The following KIF26B variants were observed in gnomAD, a reference collection of about 807,000 sequenced individuals.
KIF26B encodes the protein kinesin family member 26B.
KIF26B carries 63 observed loss-of-function variants against 151.2 expected under a neutral mutation model. The observed-to-expected ratio is 0.42, with a 90% CI of 0.34 to 0.51. KIF26B has a LOEUF of 0.51. Among genes scored for constraint, KIF26B ranks in the 20% least tolerant of loss-of-function variants. The pLI, the probability that KIF26B is intolerant of heterozygous loss-of-function variation, is 0.07. For missense variants in KIF26B, 2,813 were observed against 2,913.6 expected (o/e 0.97, Z 0.79); for synonymous variants, 1,357 against 1,262.1 (o/e 1.08, Z -1.59).
At chr1:245,431,296 A>G (rs1241082786) in intron 4 of KIF26B, among the ~76,000 whole-genome samples, 1 of 151,560 alleles carries the variant, frequency 6.6e-6, no homozygotes, top group African/African-American at 2.4e-5. Flanking sequence ...CTCCTGCCTC[A>G]GCCTCCTGAG....
At chr1:245,212,149 T>A (rs1317794109) in intron 2 of KIF26B, among the ~76,000 whole-genome samples, 2 of 152,208 alleles carry the variant, frequency 1.3e-5, no homozygotes, top group Non-Finnish European at 2.9e-5. Context: ...GGGGCTGGCC[T>A]CCATTTCAGT....
At chr1:245,288,887 G>A (rs1671209737) in intron 2 of KIF26B, among the ~76,000 whole-genome samples, 1 of 151,858 alleles carries the variant, frequency 6.6e-6, no homozygotes, top group Admixed American at 6.6e-5. Flanking sequence ...AAGGAAGGGA[G>A]TTTTTACTGG....
intron 2 of KIF26B, among the ~76,000 whole-genome samples, chr1:245,209,829 G>A (rs1050832375): frequency 2.0e-5 from 3 of 152,224 alleles, no homozygotes; most frequent in African/African-American, 7.2e-5. Flanking sequence ...CTTGTGGGTG[G>A]CCATGCTTTC....
intron 2 of KIF26B, among the ~76,000 whole-genome samples, chr1:245,251,020 C>G (rs574689486): frequency 6.6e-6 from 1 of 152,196 alleles, no homozygotes. Flanking sequence ...TTCCAAGAGT[C>G]TTCTCCAGTC....
intron 10 of KIF26B, among the ~76,000 whole-genome samples, chr1:245,661,107 C>T (rs577958767): frequency 2.4e-4 from 36 of 151,960 alleles, no homozygotes; most frequent in Non-Finnish European, 5.0e-4. Flanking sequence ...CTGCCTCAGC[C>T]CCCCGAGTAG....
At chr1:245,383,554 G>A (rs921620340) in intron 3 of KIF26B, among the ~76,000 whole-genome samples, 1 of 152,120 alleles carries the variant, frequency 6.6e-6, no homozygotes, top group Non-Finnish European at 1.5e-5. Context: ...TAGAATGCAG[G>A]TGCTTCCAGG....
intron 4 of KIF26B, among the ~76,000 whole-genome samples, chr1:245,439,357 A>AAAG (rs1553274574): frequency 2.4e-4 from 30 of 125,002 alleles, no homozygotes; most frequent in Non-Finnish European, 3.2e-4. Context: ...AAAAAAAAAA[A>AAAG]AAAAAAGAAA....
At position 245,266,965 on chromosome 1, in the gene KIF26B, GCCCCCTGT is replaced by G. The variant is rs559868670; in HGVS notation, c.466-99868_466-99861del. Among the ~76,000 whole-genome samples, 497 of 152,264 alleles carry G rather than the reference GCCCCCTGT, an allele frequency of 3.3e-3. 1 individual carries two copies. Among genetic ancestry groups the G allele is most frequent in the African/African-American group, 0.011 (476 of 41,540 alleles). On this transcript the variant is annotated intron_variant, in intron 2 of 14. Transcript: ENST00000407071. The stretch of plus-strand genomic sequence containing the variant: ...TTATTAACATGTGACTGAAGGGCAG[GCCCCCTGT>G]GGGCCTGGTCTTATCCTTATCCTTT...
chr1:245,517,168 T>G (rs1356655486), intron 4 of KIF26B, among the ~76,000 whole-genome samples: 2 of 152,058 alleles, frequency 1.3e-5, no homozygotes, highest in African/African-American at 4.8e-5. Context: ...ACCAGCCTGG[T>G]CAACATGGCG....
In KIF26B at chr1:245,358,157, A is replaced by G. The variant is rs11809071; in HGVS notation, c.466-8677A>G. ...CTCGAACTTCAGATCTGCCCACCTC[A>G]GTTTCCCAAAGTGTGGGGATTACAG... On this transcript the variant is annotated intron_variant, in intron 2 of 14. Coordinates refer to ENST00000407071, the MANE Select transcript of KIF26B (RefSeq NM_018012.4). This position sits in a 1 kb window ranked among gnomAD's most constrained non-coding sequence, Gnocchi z 4.1. Among the ~76,000 whole-genome samples the G allele has an allele frequency of 1.3e-5, 2 of 152,118 alleles. No homozygotes were observed. Among genetic ancestry groups the G allele is most frequent in the Non-Finnish European group, 2.9e-5 (2 of 68,012 alleles).
At chr1:245,696,077 C>T (rs925996213) in intron 12 of KIF26B, among the ~76,000 whole-genome samples, 7 of 152,254 alleles carry the variant, frequency 4.6e-5, no homozygotes, top group Non-Finnish European at 1.0e-4. Context: ...CCAAGATGGC[C>T]CCCATGGTCT....
intron 6 of KIF26B, among the ~76,000 whole-genome samples, chr1:245,603,527 C>T (rs116639022): frequency 0.011 from 1,719 of 152,160 alleles, 11 homozygotes; most frequent in African/African-American, 0.017. Context: ...ATCAGCCAGG[C>T]GAAATAAGAT....
intron 4 of KIF26B, among the ~76,000 whole-genome samples, chr1:245,456,865 A>C: frequency 6.6e-6 from 1 of 151,886 alleles, no homozygotes; most frequent in Non-Finnish European, 1.5e-5. Context: ...ATTTTTATTT[A>C]TTTGTTTACT....
chr1:245,282,471 C>T (rs553930832), intron 2 of KIF26B, among the ~76,000 whole-genome samples: 17 of 152,342 alleles, frequency 1.1e-4, no homozygotes, highest in African/African-American at 2.6e-4. Context: ...GCGATTCCCA[C>T]ACTTTCTTGG....
chr1:245,422,112 A>T (rs924027202), intron 4 of KIF26B, among the ~76,000 whole-genome samples: 8 of 152,108 alleles, frequency 5.3e-5, no homozygotes, highest in Non-Finnish European at 2.9e-5. Flanking sequence ...GCTGGAAAGG[A>T]TCCCTAAGGC....
chr1:245,253,453 A>C (rs1017571707), intron 2 of KIF26B, among the ~76,000 whole-genome samples: 5 of 152,158 alleles, frequency 3.3e-5, no homozygotes, highest in African/African-American at 4.8e-5. Flanking sequence ...TTCATTTGGA[A>C]GTTTCACATC....
chr1:245,340,459 C>T (rs1055949700), intron 2 of KIF26B, among the ~76,000 whole-genome samples: 5 of 151,776 alleles, frequency 3.3e-5, no homozygotes, highest in Admixed American at 1.3e-4. Flanking sequence ...GTGGAACCCA[C>T]GGATACAGAT....
At position 245,688,537 on chromosome 1, in the gene KIF26B, A is replaced by T; in HGVS notation, c.5554A>T (p.Ser1852Cys). ...AAAHLLPSPY[S>C]KITPPRRPHR... ...CGCGCACCTGCTCCCGTCGCCCTAC[A>T]GCAAGATCACGCCCCCGCGGAGGCC... The change falls in exon 12 of 15, where the codon AGC (serine) becomes TGC (cysteine). Residue 1852 changes from serine to cysteine, a missense_variant. Ser to Cys is a moderately radical substitution (Grantham distance 112). Transcript: ENST00000407071. 6.5e-7 allele frequency: 1 copy of T among 1,538,136 alleles called. No individual in the cohort carries two copies. Among genetic ancestry groups the T allele is most frequent in the Non-Finnish European group, 8.7e-7 (1 of 1,145,052 alleles).
rs753710071 is a variant in KIF26B at position 245,686,641 on chromosome 1, C to T, written c.3658C>T (p.Arg1220Trp). ...IISFNSDCSA[R>W]ALASGSRPVS... The stretch of plus-strand genomic sequence containing the variant: ...CAGCTTCAACAGCGACTGCTCTGCA[C>T]GGGCCCTGGCCTCGGGCTCGCGGCC... The change falls in exon 12 of 15, where the codon CGG becomes TGG. Residue 1220 changes from arginine (R) to tryptophan (W), a missense_variant. Physicochemically the swap from Arg to Trp is moderately radical, Grantham distance 101 (BLOSUM62 -3). Coordinates refer to ENST00000407071, the MANE Select transcript of KIF26B (RefSeq NM_018012.4). This position sits in a 1 kb window ranked among gnomAD's most constrained non-coding sequence, Gnocchi z 5.6. The T allele has an allele frequency of 1.4e-5, 23 of 1,610,646 alleles. No individual in the cohort carries two copies. Among genetic ancestry groups the T allele is most frequent in the Middle Eastern group, 1.6e-4 (1 of 6,084 alleles).
Sources: allele counts gnomAD v4.1 joint callset (sites outside exome capture counted in the v4.1 genomes callset), GRCh38; gene constraint gnomAD v4.1.1; non-coding constraint Gnocchi (gnomAD v3.1); transcripts MANE v1.5; gene names NCBI Gene and HGNC (gene_info 2026-07-23, HGNC 2026-07-21).